The following RGPD5 variants were observed in gnomAD, a reference collection of about 807,000 sequenced individuals.
RGPD5 encodes the protein RANBP2 like and GRIP domain containing 5.
At chr2:109,794,610 G>GCCCGGCCCGGCC (rs1481533589) in intron 1 of RGPD5, 73 bp downstream of exon 1, 1 of 189,728 alleles carries the variant, frequency 5.3e-6, no homozygotes, top group Non-Finnish European at 7.3e-6. Context: ...GGCGGCGGCG[G>GCCCGGCCCGGCC]GGGGGGCGGC....
the RGPD5 span, among the ~76,000 whole-genome samples, chr2:109,779,207 C>G: frequency 0.011 from 800 of 75,294 alleles, 2 homozygotes; most frequent in East Asian, 0.044. Context: ...TGGGAGGTTC[C>G]TTTGGAGCAA....
Position 109,799,236 on chromosome 2 carries a change from T to A in RGPD5, c.73-2547T>A. Among the ~76,000 whole-genome samples the A allele has an allele frequency of 6.3e-5, 8 of 127,754 alleles. No individual in the cohort carries two copies. The East Asian group carries it at 7.1e-4, about 11-fold the overall frequency. The allele number at this position is 127,754 out of a possible 152,430, so 83.8% of individuals were successfully genotyped here. Reference sequence around the variant, plus strand: ...CCTGGCGACAGAGCAAGACTCCATCTCAAAAAAAAAAAAAAAAAAGGAAGG... The same window carrying A: ...CCTGGCGACAGAGCAAGACTCCATCACAAAAAAAAAAAAAAAAAAGGAAGG... On this transcript the variant is annotated intron_variant, in intron 1 of 22. Transcript: ENST00000016946.
At chr2:109,777,276 G>C in the RGPD5 span, among the ~76,000 whole-genome samples, 1 of 148,790 alleles carries the variant, frequency 6.7e-6, no homozygotes, top group Admixed American at 6.9e-5. Context: ...TTTGTCAAAG[G>C]CTTTTCTACA....
At chr2:109,774,523 TATATATA>T in the RGPD5 span, among the ~76,000 whole-genome samples, 5 of 80,590 alleles carry the variant, frequency 6.2e-5, 2 homozygotes, top group Non-Finnish European at 8.3e-5. Flanking sequence ...TAATATATAT[TATATATA>T]TTATATATAA....
the RGPD5 span, among the ~76,000 whole-genome samples, chr2:109,761,466 T>C: frequency 6.7e-6 from 1 of 148,832 alleles, no homozygotes; most frequent in African/African-American, 2.5e-5. Flanking sequence ...AGGTATCCCT[T>C]TGTGCCACGC....
chr2:109,761,414 G>A, the RGPD5 span, among the ~76,000 whole-genome samples: 2 of 150,190 alleles, frequency 1.3e-5, no homozygotes, highest in African/African-American at 2.4e-5. Flanking sequence ...TTCACACCTC[G>A]TCACAGTTGC....
chr2:109,766,233 G>A, the RGPD5 span, among the ~76,000 whole-genome samples: 1 of 151,418 alleles, frequency 6.6e-6, no homozygotes, highest in South Asian at 2.1e-4. Flanking sequence ...CCAGGGCTAG[G>A]GCTGTGGGCA....
the RGPD5 span, among the ~76,000 whole-genome samples, chr2:109,763,541 C>G: frequency 6.7e-6 from 1 of 149,954 alleles, no homozygotes; most frequent in African/African-American, 2.4e-5. Context: ...CCTCGATGGA[C>G]TGGAAGTTAA....
chr2:109,764,035 A>G, the RGPD5 span, among the ~76,000 whole-genome samples: 2 of 145,052 alleles, frequency 1.4e-5, no homozygotes, highest in African/African-American at 5.1e-5. Context: ...ACTCAGAAAC[A>G]TCCATACTTA....
the RGPD5 span, among the ~76,000 whole-genome samples, chr2:109,766,458 G>C: frequency 1.3e-5 from 2 of 150,578 alleles, no homozygotes; most frequent in African/African-American, 4.9e-5. Context: ...AGGAACCCAG[G>C]GAGTGTGCAC....
chr2:109,766,181 C>T, the RGPD5 span, among the ~76,000 whole-genome samples: 2 of 151,134 alleles, frequency 1.3e-5, no homozygotes, highest in East Asian at 4.1e-4. Context: ...GGAGGGGCCT[C>T]GGCAGGTACG....
chr2:109,763,110 A>G, the RGPD5 span, among the ~76,000 whole-genome samples: 1 of 150,042 alleles, frequency 6.7e-6, no homozygotes. Context: ...TAATCCTGGA[A>G]AGGGTAAGTA....
chr2:109,763,570 A>AAG, the RGPD5 span, among the ~76,000 whole-genome samples: 83 of 150,084 alleles, frequency 5.5e-4, 1 homozygote, highest in African/African-American at 2.0e-3. Flanking sequence ...TAAAATAACA[A>AAG]AGAGAGAGAG....
the RGPD5 span, among the ~76,000 whole-genome samples, chr2:109,774,534 T>C: frequency 2.1e-5 from 2 of 96,438 alleles, no homozygotes; most frequent in Non-Finnish European, 3.7e-5. Flanking sequence ...ATATATATTA[T>C]ATATAAAATA....
the RGPD5 span, among the ~76,000 whole-genome samples, chr2:109,764,313 C>G: frequency 6.8e-6 from 1 of 146,508 alleles, no homozygotes; most frequent in African/African-American, 2.5e-5. Flanking sequence ...CAAGGCTGCC[C>G]CCTCCACTCC....
chr2:109,761,699 G>A, the RGPD5 span, among the ~76,000 whole-genome samples: 3 of 147,592 alleles, frequency 2.0e-5, no homozygotes, highest in Admixed American at 2.1e-4. Flanking sequence ...CTATTCAGGT[G>A]GTAAAATTAC....
At chr2:109,765,128 T>C in the RGPD5 span, among the ~76,000 whole-genome samples, 1 of 131,194 alleles carries the variant, frequency 7.6e-6, no homozygotes. Context: ...GAAGTTATAA[T>C]ACATGGATCA....
At chr2:109,765,356 G>C in the RGPD5 span, among the ~76,000 whole-genome samples, 11 of 149,914 alleles carry the variant, frequency 7.3e-5, no homozygotes, top group East Asian at 4.1e-4. Context: ...TGATACACTT[G>C]GATATTTCCT....
the RGPD5 span, among the ~76,000 whole-genome samples, chr2:109,774,532 TA>T: frequency 5.5e-5 from 5 of 91,686 alleles, no homozygotes; most frequent in Non-Finnish European, 9.4e-5. Flanking sequence ...TTATATATAT[TA>T]TATATAAAAT....
Sources: gnomAD v4.1 joint callset for allele counts (sites outside exome capture counted in the v4.1 genomes callset) on GRCh38, gnomAD v4.1.1 for gene constraint, MANE v1.5 for transcripts, NCBI Gene and HGNC (gene_info 2026-07-23, HGNC 2026-07-21) for gene names.